UVRAG: variants seen among roughly 807,000 people sequenced by gnomAD.
The protein encoded by UVRAG is UV radiation resistance associated.
In UVRAG, 19 loss-of-function variants were observed where a neutral mutation model predicts 78.0. That is an observed-to-expected ratio of 0.24 (90% CI 0.17 to 0.36). The LOEUF (loss-of-function observed/expected upper bound fraction) is 0.36, where lower values mean the gene tolerates loss of function less well. UVRAG is among the 10% of genes least tolerant of loss of function. UVRAG has a pLI of 1.00. For synonymous variants in UVRAG, 323 were observed against 324.6 expected, an observed-to-expected ratio of 1.00 and a Z score of 0.05; for missense variants, 740 against 853.8, an observed-to-expected ratio of 0.87 and a Z score of 1.66.
At chr11:75,896,675 G>C (rs1947350568) in intron 5 of UVRAG, among the ~76,000 whole-genome samples, 1 of 152,164 alleles carries the variant, frequency 6.6e-6, no homozygotes, top group Admixed American at 6.5e-5. Flanking sequence ...GTAAAACTTT[G>C]TTAGTGAATG....
intron 6 of UVRAG, among the ~76,000 whole-genome samples, chr11:75,952,065 T>C (rs1948712528): frequency 6.6e-6 from 1 of 152,212 alleles, no homozygotes; most frequent in Non-Finnish European, 1.5e-5. Context: ...CATCTTTCTT[T>C]AGATTTATTC....
At chr11:75,971,003 T>C (rs1392803779) in intron 7 of UVRAG, among the ~76,000 whole-genome samples, 2 of 152,196 alleles carry the variant, frequency 1.3e-5, no homozygotes, top group Non-Finnish European at 2.9e-5. Context: ...AAAAATATCC[T>C]ATCCTCCACG....
At chr11:76,005,651 C>T (rs1949920673) in intron 9 of UVRAG, among the ~76,000 whole-genome samples, 2 of 152,238 alleles carry the variant, frequency 1.3e-5, no homozygotes, top group Non-Finnish European at 1.5e-5. Flanking sequence ...GAATTAAGGA[C>T]TCATTCCCAC....
At chr11:76,018,773 CT>C (rs1950191988) in intron 12 of UVRAG, among the ~76,000 whole-genome samples, 1 of 152,136 alleles carries the variant, frequency 6.6e-6, no homozygotes, top group African/African-American at 2.4e-5. Flanking sequence ...AGGATCTTCT[CT>C]TTATACTTGA....
At chr11:75,846,635 T>A (rs933411236) in intron 1 of UVRAG, among the ~76,000 whole-genome samples, 2 of 152,124 alleles carry the variant, frequency 1.3e-5, no homozygotes, top group Admixed American at 6.5e-5. Context: ...TCAGCACCAT[T>A]TGTTGAAAAG....
chr11:75,889,339 G>A (rs530921407), intron 5 of UVRAG, among the ~76,000 whole-genome samples: 7 of 152,340 alleles, frequency 4.6e-5, no homozygotes, highest in African/African-American at 1.4e-4. Flanking sequence ...GGAAAGGGAA[G>A]CGAATTCACA....
Position 75,879,886 on chromosome 11 carries a change from C to T in UVRAG, c.278C>T (p.Thr93Met), listed in dbSNP as rs1413973722. Residue 93 changes from threonine (T) to methionine (M), a missense_variant, in exon 4 of 15, where the codon ACG (threonine) becomes ATG (methionine). Physicochemically the swap from Thr to Met is moderately conservative, Grantham distance 81 (BLOSUM62 -1). Coordinates refer to ENST00000356136, the MANE Select transcript of UVRAG (RefSeq NM_003369.4). ...SEVIKNSLNP[T>M]WRSLDFGIMP... ...TTTCATTTTCATGAGCAGAATCCCA[C>T]GTGGCGAAGTCTCGATTTTGGAATT... 17 of 1,613,838 alleles carry T rather than the reference C, an allele frequency of 1.1e-5. No individual in the cohort carries two copies. Among genetic ancestry groups the T allele is most frequent in the Non-Finnish European group, 1.4e-5 (16 of 1,179,772 alleles).
chr11:75,998,170 T>A (rs1266793394), intron 8 of UVRAG, among the ~76,000 whole-genome samples: 2 of 152,184 alleles, frequency 1.3e-5, no homozygotes, highest in East Asian at 3.8e-4. Flanking sequence ...GAAAGCCTAG[T>A]TGTCAACAGG....
chr11:75,869,714 T>A (rs919407675), intron 3 of UVRAG, among the ~76,000 whole-genome samples: 2 of 152,186 alleles, frequency 1.3e-5, no homozygotes, highest in Admixed American at 1.3e-4. Flanking sequence ...ATTTCTAAAT[T>A]GAGATAGGAA....
At chr11:76,119,786 C>T (rs1229776339) in intron 14 of UVRAG, among the ~76,000 whole-genome samples, 1 of 152,238 alleles carries the variant, frequency 6.6e-6, no homozygotes, top group African/African-American at 2.4e-5. Context: ...CAATTTGTCT[C>T]CTTGTCTTGT....
intron 12 of UVRAG, among the ~76,000 whole-genome samples, chr11:76,030,330 G>T (rs1041687007): frequency 6.6e-6 from 1 of 152,000 alleles, no homozygotes; most frequent in Non-Finnish European, 1.5e-5. Context: ...ACAACACCCG[G>T]CCAAGATACT....
chr11:76,004,199 C>G, intron 9 of UVRAG, 110 bp downstream of exon 9: 1 of 985,382 alleles, frequency 1.0e-6, no homozygotes. Flanking sequence ...GCCCATATAC[C>G]TCAGTACCAC....
intron 13 of UVRAG, among the ~76,000 whole-genome samples, chr11:76,093,295 G>T (rs1200115999): frequency 6.6e-6 from 1 of 152,176 alleles, no homozygotes; most frequent in African/African-American, 2.4e-5. Flanking sequence ...GTAGCGTGAT[G>T]CCTCCAGCTT....
chr11:75,953,901 C>G (rs906023281), intron 6 of UVRAG, among the ~76,000 whole-genome samples: 3 of 152,124 alleles, frequency 2.0e-5, no homozygotes, highest in Non-Finnish European at 4.4e-5. Context: ...TTGATATTGA[C>G]CACTCACCCA....
At chr11:75,996,510 A>G (rs1220392361) in intron 8 of UVRAG, among the ~76,000 whole-genome samples, 4 of 152,172 alleles carry the variant, frequency 2.6e-5, no homozygotes, top group African/African-American at 7.2e-5. Flanking sequence ...AATCAGAACA[A>G]CAGGTACAGG....
chr11:76,055,901 G>A (rs1295336717), intron 12 of UVRAG, among the ~76,000 whole-genome samples: 2 of 152,198 alleles, frequency 1.3e-5, no homozygotes, highest in East Asian at 3.9e-4. Context: ...AGTAGAGATG[G>A]GGTTTCACTG....
chr11:76,059,433 A>G (rs1951040374), intron 12 of UVRAG, among the ~76,000 whole-genome samples: 1 of 152,210 alleles, frequency 6.6e-6, no homozygotes, highest in Non-Finnish European at 1.5e-5. Context: ...GCTAGGTAGT[A>G]AGCAAATTGA....
intron 12 of UVRAG, among the ~76,000 whole-genome samples, chr11:76,063,746 T>G (rs1404674549): frequency 2.0e-5 from 3 of 152,188 alleles, no homozygotes; most frequent in Non-Finnish European, 4.4e-5. Context: ...TGGACCTGCT[T>G]CTGGTTGTAC....
At chr11:75,973,248 T>A (rs1018072088) in intron 7 of UVRAG, among the ~76,000 whole-genome samples, 5 of 152,248 alleles carry the variant, frequency 3.3e-5, no homozygotes, top group Non-Finnish European at 7.3e-5. Flanking sequence ...TTATCATGAA[T>A]CGTAGTTGGA....
Sources: gnomAD v4.1 joint callset for allele counts (sites outside exome capture counted in the v4.1 genomes callset) on GRCh38, gnomAD v4.1.1 for gene constraint, MANE v1.5 for transcripts, NCBI Gene and HGNC (gene_info 2026-07-23, HGNC 2026-07-21) for gene names.